Variants in DIS3L2 observed in about 807,000 individuals in gnomAD.
The protein encoded by DIS3L2 is DIS3 like 3'-5' exoribonuclease 2, also known as DIS3-like exonuclease 2.
A neutral mutation model predicts 97.5 loss-of-function variants in DIS3L2; 34 were observed. The observed-to-expected ratio is 0.35, with a 90% CI of 0.27 to 0.46. The LOEUF is 0.46. Ranked by LOEUF, DIS3L2 falls within the 20% of genes least tolerant of loss-of-function variation. The probability of loss-of-function intolerance (pLI) is 1.00; values close to 1 mark genes in which losing one functional copy is unlikely to be tolerated. For synonymous variants in DIS3L2, 435 were observed against 445.2 expected (o/e 0.98, Z 0.29); for missense variants, 1,038 against 1,146.0 (o/e 0.91, Z 1.36).
intron 13 of DIS3L2, chr2:232,343,317 C>T (rs1037264121): frequency 1.3e-6 from 2 of 1,540,960 alleles, no homozygotes; most frequent in South Asian, 1.2e-5. Flanking sequence ...CGCGCCTCCT[C>T]ATCCAGGAGA....
At chr2:232,143,604 G>A (rs934035981) in intron 8 of DIS3L2, among the ~76,000 whole-genome samples, 1 of 151,764 alleles carries the variant, frequency 6.6e-6, no homozygotes, top group South Asian at 2.1e-4. Flanking sequence ...TTTCACCCCC[G>A]GAAACGATCA....
intron 10 of DIS3L2, among the ~76,000 whole-genome samples, chr2:232,211,283 TACAGG>T (rs1470705569): frequency 2.0e-5 from 3 of 152,114 alleles, no homozygotes; most frequent in African/African-American, 7.2e-5. Context: ...TAGCTGAGAC[TACAGG>T]TGTGTGCCAC....
chr2:232,090,397 C>T (rs532287325), intron 6 of DIS3L2, among the ~76,000 whole-genome samples: 15 of 152,274 alleles, frequency 9.9e-5, no homozygotes, highest in Admixed American at 9.2e-4. Context: ...CCCTCAGTAT[C>T]TGGTACAGAT....
chr2:232,314,467 G>T (rs1695216393), intron 14 of DIS3L2, among the ~76,000 whole-genome samples: 1 of 151,874 alleles, frequency 6.6e-6, no homozygotes. Context: ...GCTGAAGGGA[G>T]CTCCCTAGCC....
chr2:232,120,567 G>T (rs1697868695), intron 6 of DIS3L2, among the ~76,000 whole-genome samples: 1 of 152,150 alleles, frequency 6.6e-6, no homozygotes, highest in South Asian at 2.1e-4. Flanking sequence ...AATGCATTGA[G>T]CACAGTGCCT....
At chr2:232,065,967 T>C (rs1344537876) in intron 5 of DIS3L2, among the ~76,000 whole-genome samples, 1 of 151,948 alleles carries the variant, frequency 6.6e-6, no homozygotes, top group African/African-American at 2.4e-5. Context: ...GTTGTTCATA[T>C]CTAGTATATA....
At chr2:232,047,187 A>C (rs187030315) in intron 5 of DIS3L2, among the ~76,000 whole-genome samples, 3 of 152,338 alleles carry the variant, frequency 2.0e-5, no homozygotes, top group Non-Finnish European at 4.4e-5. Context: ...GAGTTTTTGT[A>C]TCTTGAAACA....
At chr2:232,247,853 G>A (rs934328996) in intron 11 of DIS3L2, among the ~76,000 whole-genome samples, 2 of 152,246 alleles carry the variant, frequency 1.3e-5, no homozygotes, top group East Asian at 1.9e-4. Flanking sequence ...AAATAAGTTA[G>A]CAAAGAAAAT....
intron 8 of DIS3L2, among the ~76,000 whole-genome samples, chr2:232,149,118 G>A (rs1690315155): frequency 6.7e-6 from 1 of 149,894 alleles, no homozygotes. Context: ...AAAATGAGAT[G>A]CCAAAGAAGG....
intron 6 of DIS3L2, among the ~76,000 whole-genome samples, chr2:232,090,079 C>G (rs1271578310): frequency 6.6e-6 from 1 of 151,972 alleles, no homozygotes; most frequent in African/African-American, 2.4e-5. Flanking sequence ...AAAGTGTGCA[C>G]CACCACACCC....
chr2:232,095,363 A>G (rs1436556194), intron 6 of DIS3L2, among the ~76,000 whole-genome samples: 1 of 152,174 alleles, frequency 6.6e-6, no homozygotes, highest in Non-Finnish European at 1.5e-5. Context: ...TACAGATGCT[A>G]TCCTTTAACC....
chr2:232,110,918 G>A (rs1352102693), intron 6 of DIS3L2, among the ~76,000 whole-genome samples: 2 of 152,038 alleles, frequency 1.3e-5, no homozygotes, highest in Admixed American at 6.6e-5. Context: ...TGGTAAATGT[G>A]CTTTTAATAA....
At chr2:232,017,679 T>C (rs1694396250) in intron 3 of DIS3L2, among the ~76,000 whole-genome samples, 1 of 152,204 alleles carries the variant, frequency 6.6e-6, no homozygotes, top group South Asian at 2.1e-4. Context: ...TCTTTTCCTC[T>C]AAAAACTGTT....
intron 9 of DIS3L2, among the ~76,000 whole-genome samples, chr2:232,203,753 G>A (rs1054372166): frequency 1.3e-5 from 2 of 152,222 alleles, no homozygotes; most frequent in African/African-American, 4.8e-5. Flanking sequence ...CATGGGTAGG[G>A]CGCATGGGGG....
Position 232,066,501 on chromosome 2 carries a change from C to A in DIS3L2, c.367-20986C>A, listed in dbSNP as rs76879709. The stretch of plus-strand genomic sequence containing the variant: ...ATTTGTTGACAGATCTAACATGTGT[C>A]CTCATCAGGATTATTAACTTGTGAC... On this transcript the variant is annotated intron_variant, in intron 5 of 20. Transcript: ENST00000325385. Among the ~76,000 whole-genome samples, 9 of 152,018 alleles carry A rather than the reference C, an allele frequency of 5.9e-5. No homozygotes were observed. The East Asian group carries it at 1.7e-3, about 29-fold the overall frequency.
intron 6 of DIS3L2, among the ~76,000 whole-genome samples, chr2:232,116,743 A>G (rs1284293239): frequency 1.3e-5 from 2 of 152,236 alleles, no homozygotes. Context: ...AATGTCCGCC[A>G]TTAAGGACAG....
intron 3 of DIS3L2, among the ~76,000 whole-genome samples, chr2:232,020,335 A>G (rs1168664738): frequency 1.3e-5 from 2 of 152,166 alleles, no homozygotes; most frequent in Non-Finnish European, 2.9e-5. Flanking sequence ...AAGGTATCAA[A>G]GTAAACCAGG....
At chr2:232,321,437 G>A (rs1432288900) in intron 14 of DIS3L2, among the ~76,000 whole-genome samples, 1 of 152,194 alleles carries the variant, frequency 6.6e-6, no homozygotes, top group East Asian at 1.9e-4. Flanking sequence ...TCACCCAGGG[G>A]CCATGATGTC....
At chr2:232,075,114 C>T (rs1000665840) in intron 5 of DIS3L2, among the ~76,000 whole-genome samples, 5 of 152,152 alleles carry the variant, frequency 3.3e-5, no homozygotes, top group Non-Finnish European at 5.9e-5. Flanking sequence ...TTTTCAACTC[C>T]TGTGGATGAT....
Sources: gnomAD v4.1 joint callset for allele counts (sites outside exome capture counted in the v4.1 genomes callset) on GRCh38, gnomAD v4.1.1 for gene constraint, MANE v1.5 for transcripts, NCBI Gene and HGNC (gene_info 2026-07-23, HGNC 2026-07-21) for gene names.